The following SV2C variants were observed in gnomAD, a reference collection of about 807,000 sequenced individuals.
SV2C encodes the protein solute carrier family 22 member B3.
A neutral mutation model predicts 79.7 loss-of-function variants in SV2C; 49 were observed. That is an observed-to-expected ratio of 0.61 (90% CI 0.49 to 0.78). The LOEUF (loss-of-function observed/expected upper bound fraction) is 0.78, where lower values mean the gene tolerates loss of function less well. Among genes scored for constraint, SV2C ranks in the 30% least tolerant of loss-of-function variants. The pLI, the probability that SV2C is intolerant of heterozygous loss-of-function variation, is 0.00. For missense variants in SV2C, 833 were observed against 912.9 expected, an observed-to-expected ratio of 0.91 and a Z score of 1.13; for synonymous variants, 334 against 333.2, an observed-to-expected ratio of 1.00 and a Z score of -0.03.
chr5:76,137,311 A>T (rs188502877), intron 2 of SV2C, among the ~76,000 whole-genome samples: 232 of 152,364 alleles, frequency 1.5e-3, no homozygotes, highest in African/African-American at 5.3e-3. Context: ...GTATCAGTTA[A>T]TAGGGTGACA....
chr5:75,851,890 C>T, the SV2C span, among the ~76,000 whole-genome samples: 2 of 152,164 alleles, frequency 1.3e-5, no homozygotes, highest in African/African-American at 4.8e-5. Flanking sequence ...GTCTCGATCT[C>T]CTGACTTCAT....
chr5:76,143,638 G>A (rs1561234914), intron 2 of SV2C, among the ~76,000 whole-genome samples: 1 of 152,168 alleles, frequency 6.6e-6, no homozygotes, highest in Non-Finnish European at 1.5e-5. Flanking sequence ...CTCTGGTAGT[G>A]GTATTACCAC....
chr5:76,061,784 T>G, the SV2C span, among the ~76,000 whole-genome samples: 1 of 152,112 alleles, frequency 6.6e-6, no homozygotes, highest in Non-Finnish European at 1.5e-5. Flanking sequence ...CCCATAAACT[T>G]TATGCTACTG....
intron 9 of SV2C, among the ~76,000 whole-genome samples, chr5:76,298,043 A>G (rs555623610): frequency 7.2e-5 from 11 of 152,312 alleles, no homozygotes; most frequent in African/African-American, 2.6e-4. Context: ...TGTTATTATC[A>G]TTATGACTGT....
the SV2C span, among the ~76,000 whole-genome samples, chr5:75,856,222 C>T: frequency 6.6e-6 from 1 of 152,176 alleles, no homozygotes; most frequent in Non-Finnish European, 1.5e-5. Flanking sequence ...GCTTCCAAAT[C>T]TTAGCTAGTG....
chr5:76,079,186 T>C (rs1449736775), upstream of SV2C: 2 of 343,140 alleles, frequency 5.8e-6, no homozygotes, highest in Admixed American at 3.4e-5. Flanking sequence ...TTCGGCAGAG[T>C]GATTTGGCAT....
the SV2C span, among the ~76,000 whole-genome samples, chr5:75,892,277 T>C: frequency 6.6e-6 from 1 of 152,022 alleles, no homozygotes; most frequent in Admixed American, 6.6e-5. Context: ...TTTGTGCAAA[T>C]TTATGAGGCA....
At chr5:75,938,105 C>T in the SV2C span, among the ~76,000 whole-genome samples, 3 of 152,074 alleles carry the variant, frequency 2.0e-5, no homozygotes, top group Non-Finnish European at 4.4e-5. Flanking sequence ...ACCATGATGC[C>T]CGTCTGTTAT....
At chr5:76,166,588 A>G (rs1743053071) in intron 2 of SV2C, among the ~76,000 whole-genome samples, 1 of 152,258 alleles carries the variant, frequency 6.6e-6, no homozygotes, top group Non-Finnish European at 1.5e-5. Flanking sequence ...GAGCAGTCCC[A>G]CAAATATCTA....
chr5:76,240,494 A>G (rs1745752582), intron 4 of SV2C, among the ~76,000 whole-genome samples: 1 of 152,164 alleles, frequency 6.6e-6, no homozygotes, highest in Non-Finnish European at 1.5e-5. Flanking sequence ...CTAGGAATCA[A>G]CCCTCAACTA....
chr5:75,916,277 TTCC>T, the SV2C span, among the ~76,000 whole-genome samples: 4 of 143,990 alleles, frequency 2.8e-5, no homozygotes, highest in South Asian at 2.4e-4. Context: ...CTTCCTCACC[TTCC>T]TCCTCCTCCT....
intron 4 of SV2C, among the ~76,000 whole-genome samples, chr5:76,243,397 C>G (rs1745855593): frequency 6.6e-6 from 1 of 152,148 alleles, no homozygotes; most frequent in Non-Finnish European, 1.5e-5. Flanking sequence ...GAGGGTTTTT[C>G]AGCTGAGTGC....
chr5:75,864,498 A>G, the SV2C span, among the ~76,000 whole-genome samples: 128 of 152,298 alleles, frequency 8.4e-4, no homozygotes, highest in African/African-American at 2.9e-3. Flanking sequence ...GACTTGTTAC[A>G]TCTGTTATAC....
At chr5:76,275,442 G>A (rs1046814317) in intron 4 of SV2C, among the ~76,000 whole-genome samples, 5 of 151,394 alleles carry the variant, frequency 3.3e-5, no homozygotes, top group Non-Finnish European at 7.4e-5. Flanking sequence ...AGCCAAGATC[G>A]TGCCACTGCA....
chr5:76,337,511 C>T (rs1236121614), downstream of SV2C, among the ~76,000 whole-genome samples: 3 of 152,092 alleles, frequency 2.0e-5, no homozygotes, highest in East Asian at 1.9e-4. Flanking sequence ...CCAAATACTA[C>T]CTATTTGATT....
At chr5:76,001,006 TAAAA>T in the SV2C span, among the ~76,000 whole-genome samples, 3 of 136,892 alleles carry the variant, frequency 2.2e-5, no homozygotes, top group African/African-American at 8.0e-5. Context: ...TCGGTACAAT[TAAAA>T]AAAAAAAAAA....
chr5:75,991,590 CATAT>C, the SV2C span, among the ~76,000 whole-genome samples: 2 of 144,322 alleles, frequency 1.4e-5, no homozygotes, highest in African/African-American at 2.6e-5. Flanking sequence ...TATATACACA[CATAT>C]ATATATATAT....
the SV2C span, among the ~76,000 whole-genome samples, chr5:75,895,053 G>A: frequency 4.6e-5 from 7 of 152,126 alleles, no homozygotes; most frequent in South Asian, 8.3e-4. Context: ...TGATCACTAC[G>A]CTTACCAAGC....
the SV2C span, among the ~76,000 whole-genome samples, chr5:75,877,270 A>T: frequency 0.24 from 36,355 of 151,968 alleles, 7,928 homozygotes; most frequent in African/African-American, 0.59. Context: ...ATGCACCTAG[A>T]AATAGAGCAC....
Sources: gnomAD v4.1 joint callset for allele counts (sites outside exome capture counted in the v4.1 genomes callset) on GRCh38, gnomAD v4.1.1 for gene constraint, MANE v1.5 for transcripts, NCBI Gene and HGNC (gene_info 2026-07-23, HGNC 2026-07-21) for gene names.